The following TCF12 variants were observed in gnomAD, a reference collection of about 807,000 sequenced individuals.
TCF12 encodes transcription factor 12, also known as DNA-binding protein HTF4.
Under a neutral mutation model 86.0 loss-of-function variants are expected in TCF12, and 45 were observed. That is an observed-to-expected ratio of 0.52 (90% CI 0.41 to 0.67). The LOEUF is 0.67. Among genes scored for constraint, TCF12 ranks in the 30% least tolerant of loss-of-function variants. The pLI is 0.00. For missense variants in TCF12, 881 were observed against 859.9 expected (o/e 1.02, Z -0.31); for synonymous variants, 330 against 299.6 (o/e 1.10, Z -1.05).
chr15:57,152,847 A>G (rs989511561), intron 5 of TCF12, among the ~76,000 whole-genome samples: 1 of 151,014 alleles, frequency 6.6e-6, no homozygotes. Flanking sequence ...AAACAACAAG[A>G]ACTCCCCTCC....
At chr15:57,064,408 T>G (rs2068693241) in intron 4 of TCF12, among the ~76,000 whole-genome samples, 1 of 152,122 alleles carries the variant, frequency 6.6e-6, no homozygotes, top group African/African-American at 2.4e-5. Flanking sequence ...CTTTATAAAA[T>G]GAGACCAGGA....
At chr15:57,195,777 A>G (rs1355295227) in intron 7 of TCF12, among the ~76,000 whole-genome samples, 3 of 152,166 alleles carry the variant, frequency 2.0e-5, no homozygotes, top group East Asian at 1.9e-4. Flanking sequence ...GCCAAGGCCG[A>G]TGATCACTTG....
intron 4 of TCF12, among the ~76,000 whole-genome samples, chr15:57,066,214 A>T (rs933046043): frequency 6.6e-6 from 1 of 152,130 alleles, no homozygotes; most frequent in African/African-American, 2.4e-5. Context: ...AACAGTATTC[A>T]CCATCTTGAC....
chr15:56,928,583 G>A (rs2060115909), intron 3 of TCF12, among the ~76,000 whole-genome samples: 1 of 152,138 alleles, frequency 6.6e-6, no homozygotes, highest in South Asian at 2.1e-4. Flanking sequence ...AGGCATACAA[G>A]TAGTTTTGAA....
intron 12 of TCF12, among the ~76,000 whole-genome samples, chr15:57,241,473 A>G (rs896778551): frequency 9.2e-5 from 14 of 152,124 alleles, no homozygotes; most frequent in African/African-American, 3.1e-4. Flanking sequence ...TACTTTTCCA[A>G]AATAGCTTTT....
chr15:57,076,386 G>C (rs755965460), intron 4 of TCF12, among the ~76,000 whole-genome samples: 12 of 152,080 alleles, frequency 7.9e-5, no homozygotes, highest in Admixed American at 6.5e-4. Context: ...GGCCGGGCAC[G>C]GTGGCTCACA....
intron 3 of TCF12, among the ~76,000 whole-genome samples, chr15:57,027,800 G>A (rs1478601873): frequency 6.6e-6 from 1 of 152,048 alleles, no homozygotes; most frequent in African/African-American, 2.4e-5. Flanking sequence ...TCTCATGATA[G>A]TAAATGTCTC....
At chr15:57,052,323 T>C (rs555051684) in intron 3 of TCF12, among the ~76,000 whole-genome samples, 2 of 152,098 alleles carry the variant, frequency 1.3e-5, no homozygotes, top group East Asian at 1.9e-4. Flanking sequence ...ACCAGGGAGA[T>C]TGGGAGAGTG....
chr15:57,113,039 C>T (rs1236569690), intron 5 of TCF12, among the ~76,000 whole-genome samples: 1 of 152,108 alleles, frequency 6.6e-6, no homozygotes, highest in South Asian at 2.1e-4. Context: ...TCTGTGTGTC[C>T]TACTTCTAGG....
Position 57,192,235 on chromosome 15 carries a change from C to T in TCF12, c.468C>T (p.Tyr156=), listed in dbSNP as rs1452562975. Residue 156 remains tyrosine, a synonymous_variant, in exon 7 of 21, where the codon TAC becomes TAT. Coordinates refer to ENST00000333725, the MANE Select transcript of TCF12 (RefSeq NM_207037.2). ...LSSSGKPGTA[Y]YSFSATSSRR... ...CTTCAGGAAAACCTGGGACAGCATA[C>T]TATTCATTCTCTGCTACAAGTTCCA... 6.2e-7 allele frequency: 1 copy of T among 1,614,164 alleles called. No homozygotes were observed. The highest frequency in any genetic ancestry group is 2.2e-5 in the East Asian group (1 of 44,882).
intron 5 of TCF12, among the ~76,000 whole-genome samples, chr15:57,152,009 A>T (rs1274996464): frequency 6.6e-6 from 1 of 152,178 alleles, no homozygotes; most frequent in Non-Finnish European, 1.5e-5. Flanking sequence ...TGAGGATGAA[A>T]TACTAACAGA....
chr15:56,996,433 G>A (rs1021627581), intron 3 of TCF12, among the ~76,000 whole-genome samples: 20 of 152,120 alleles, frequency 1.3e-4, no homozygotes, highest in African/African-American at 4.3e-4. Flanking sequence ...TTTAATAACT[G>A]GCTATCCATA....
intron 3 of TCF12, among the ~76,000 whole-genome samples, chr15:56,948,148 A>AT (rs2061095385): frequency 1.3e-5 from 2 of 150,422 alleles, no homozygotes; most frequent in African/African-American, 2.5e-5. Context: ...TTGAGATGGG[A>AT]TCTCACTCTG....
At chr15:56,960,494 A>G (rs1028007823) in intron 3 of TCF12, among the ~76,000 whole-genome samples, 3 of 149,162 alleles carry the variant, frequency 2.0e-5, no homozygotes, top group South Asian at 4.2e-4. Flanking sequence ...CAGTGGCATA[A>G]TCTCGGCTCA....
At chr15:56,935,897 G>T (rs1438575775) in intron 3 of TCF12, among the ~76,000 whole-genome samples, 2 of 152,140 alleles carry the variant, frequency 1.3e-5, no homozygotes, top group Non-Finnish European at 2.9e-5. Context: ...TCCACTAGTT[G>T]ATAGATGAGC....
At chr15:56,987,215 G>T (rs1158258024) in intron 3 of TCF12, among the ~76,000 whole-genome samples, 1 of 151,956 alleles carries the variant, frequency 6.6e-6, no homozygotes, top group Admixed American at 6.6e-5. Context: ...GGGTTCAAGC[G>T]ATTCTCCTGC....
intron 4 of TCF12, among the ~76,000 whole-genome samples, chr15:57,065,772 C>G (rs1295023862): frequency 6.6e-6 from 1 of 151,840 alleles, no homozygotes; most frequent in Admixed American, 6.6e-5. Context: ...TTTCTTTTTG[C>G]TATTTATAGG....
intron 8 of TCF12, among the ~76,000 whole-genome samples, chr15:57,227,468 A>C (rs1278539695): frequency 2.0e-5 from 3 of 152,182 alleles, no homozygotes; most frequent in Non-Finnish European, 1.5e-5. Context: ...TGTATGAACT[A>C]AAACATTTTA....
chr15:57,251,443 C>G lies in TCF12; in HGVS notation c.1188+20C>G, dbSNP rs752549590. On this transcript the variant is annotated intron_variant, in intron 14 of 20. Transcript: ENST00000333725. ...TCCCTGGTAAGAGCCTCTTATACAT[C>G]AGTTTTATCTGATAGCTTAGAGTTT... The G allele has an allele frequency of 1.3e-5, 21 of 1,611,056 alleles. No individual in the cohort carries two copies. Among genetic ancestry groups the G allele is most frequent in the African/African-American group, 2.7e-5 (2 of 74,850 alleles).
Sources: gnomAD v4.1 joint callset for allele counts (sites outside exome capture counted in the v4.1 genomes callset) on GRCh38, gnomAD v4.1.1 for gene constraint, MANE v1.5 for transcripts, NCBI Gene and HGNC (gene_info 2026-07-23, HGNC 2026-07-21) for gene names.